FAM117B: variants seen among roughly 807,000 people sequenced by gnomAD.
FAM117B encodes protein FAM117B.
Under a neutral mutation model 52.8 loss-of-function variants are expected in FAM117B, and 22 were observed. The ratio of observed to expected loss-of-function variants is 0.42; its 90% CI spans 0.30 to 0.59. The LOEUF (loss-of-function observed/expected upper bound fraction) is 0.59. Ranked by LOEUF, FAM117B falls within the 20% of genes least tolerant of loss-of-function variation. The probability of loss-of-function intolerance (pLI) is 0.22; values close to 1 mark genes in which losing one functional copy is unlikely to be tolerated. For missense variants in FAM117B, 678 were observed against 802.6 expected (o/e 0.84, Z 1.88); for synonymous variants, 309 against 324.1 (o/e 0.95, Z 0.50).
intron 2 of FAM117B, among the ~76,000 whole-genome samples, chr2:202,715,273 C>T (rs556788835): frequency 5.0e-4 from 76 of 151,820 alleles, no homozygotes; most frequent in African/African-American, 1.6e-3. Context: ...CCACCTCCCT[C>T]CGGGACGGGG....
intron 2 of FAM117B, among the ~76,000 whole-genome samples, chr2:202,710,629 C>G (rs1690943626): frequency 6.6e-6 from 1 of 152,056 alleles, no homozygotes; most frequent in Non-Finnish European, 1.5e-5. Flanking sequence ...TGGAGTCACC[C>G]TGTTGTGCTA....
At chr2:202,646,496 A>G (rs996742452) in intron 1 of FAM117B, among the ~76,000 whole-genome samples, 2 of 152,052 alleles carry the variant, frequency 1.3e-5, no homozygotes, top group South Asian at 2.1e-4. Context: ...GCCTAAGGAT[A>G]TGTGTAGTGT....
chr2:202,760,310 G>A (rs1228017015), intron 7 of FAM117B, among the ~76,000 whole-genome samples: 4 of 152,144 alleles, frequency 2.6e-5, no homozygotes, highest in Non-Finnish European at 5.9e-5. Flanking sequence ...GCTCCTGAAC[G>A]GGGGAGGTCC....
intron 4 of FAM117B, among the ~76,000 whole-genome samples, chr2:202,731,816 A>G (rs895927571): frequency 4.6e-5 from 7 of 151,352 alleles, no homozygotes; most frequent in East Asian, 1.9e-4. Context: ...GCTCATTGCA[A>G]TCTCCGCCTA....
At chr2:202,739,617 G>A (rs549584103) in intron 4 of FAM117B, among the ~76,000 whole-genome samples, 7 of 151,830 alleles carry the variant, frequency 4.6e-5, no homozygotes, top group South Asian at 4.1e-4. Context: ...CACCATGCCC[G>A]GCTGATATTT....
At chr2:202,696,562 T>C (rs947850804) in intron 2 of FAM117B, among the ~76,000 whole-genome samples, 6 of 152,222 alleles carry the variant, frequency 3.9e-5, no homozygotes, top group African/African-American at 1.4e-4. Flanking sequence ...ATATTTAATA[T>C]ATGGAATTTG....
intron 2 of FAM117B, among the ~76,000 whole-genome samples, chr2:202,720,314 G>GA (rs1691130591): frequency 6.6e-6 from 1 of 151,144 alleles, no homozygotes; most frequent in Non-Finnish European, 1.5e-5. Context: ...TTTTATTATG[G>GA]AAATGTTAAA....
chr2:202,726,436 A>G, intron 4 of FAM117B, 73 bp downstream of exon 4: 1 of 1,140,462 alleles, frequency 8.8e-7, no homozygotes, highest in South Asian at 1.4e-5. Flanking sequence ...TTTCATTGGT[A>G]ATTGTTTAGG....
chr2:202,745,931 A>C (rs566623840), intron 4 of FAM117B, among the ~76,000 whole-genome samples: 1 of 152,344 alleles, frequency 6.6e-6, no homozygotes, highest in East Asian at 1.9e-4. Flanking sequence ...CTTACACCAG[A>C]GCACCAAGTG....
intron 7 of FAM117B, 47 bp downstream of exon 7, chr2:202,759,400 T>C (rs1395015589): frequency 6.3e-7 from 1 of 1,588,944 alleles, no homozygotes; most frequent in East Asian, 2.2e-5. Context: ...TTATGAGCTT[T>C]TTTTTTTGAG....
intron 4 of FAM117B, among the ~76,000 whole-genome samples, chr2:202,751,001 G>A (rs1691712750): frequency 6.6e-6 from 1 of 151,982 alleles, no homozygotes; most frequent in Non-Finnish European, 1.5e-5. Flanking sequence ...TAGGTGTGTA[G>A]GTTTCTAGAG....
intron 1 of FAM117B, among the ~76,000 whole-genome samples, chr2:202,687,717 A>G (rs1690566633): frequency 1.3e-5 from 2 of 152,178 alleles, no homozygotes; most frequent in South Asian, 2.1e-4. Context: ...AGCCTGGTAC[A>G]TTGTTTTTTA....
chr2:202,689,913 G>A (rs1690595868), intron 1 of FAM117B, among the ~76,000 whole-genome samples: 1 of 152,082 alleles, frequency 6.6e-6, no homozygotes, highest in Non-Finnish European at 1.5e-5. Flanking sequence ...CTGCAGTTCG[G>A]CCTGGGTGAC....
intron 1 of FAM117B, among the ~76,000 whole-genome samples, chr2:202,651,319 C>T (rs1414475032): frequency 6.6e-6 from 1 of 151,782 alleles, no homozygotes; most frequent in Non-Finnish European, 1.5e-5. Flanking sequence ...ATCTCAGCCT[C>T]CCAAAGTGCT....
intron 2 of FAM117B, among the ~76,000 whole-genome samples, chr2:202,722,844 T>G (rs934419614): frequency 1.3e-5 from 2 of 152,094 alleles, no homozygotes; most frequent in Non-Finnish European, 2.9e-5. Flanking sequence ...AAAAAAAAAT[T>G]CATTTGTTAA....
intron 4 of FAM117B, among the ~76,000 whole-genome samples, chr2:202,746,327 A>AGAT (rs911769167): frequency 1.8e-4 from 27 of 152,310 alleles, no homozygotes; most frequent in South Asian, 1.5e-3. Flanking sequence ...GAAACTGTGC[A>AGAT]GATACATGGA....
intron 1 of FAM117B, among the ~76,000 whole-genome samples, chr2:202,692,937 AT>A (rs1231063161): frequency 6.6e-6 from 1 of 152,192 alleles, no homozygotes; most frequent in Non-Finnish European, 1.5e-5. Flanking sequence ...ATGTGATTTA[AT>A]TTTTATGGAT....
chr2:202,747,277 T>G (rs1316146407), intron 4 of FAM117B, among the ~76,000 whole-genome samples: 1 of 152,144 alleles, frequency 6.6e-6, no homozygotes, highest in East Asian at 1.9e-4. Context: ...GGAAAATACC[T>G]TGACATAATA....
In FAM117B at chr2:202,709,445, G is replaced by GC. The variant is rs1559107031; in HGVS notation, c.753+13419dup. On this transcript the variant is annotated intron_variant, in intron 2 of 7. Transcript: ENST00000392238. ...TTGAACTCCTGACCTCAGGCGATCT[G>GC]CCCCCCTCTGCCTCCCAAAGTACTG... 2.6e-5 allele frequency among the ~76,000 whole-genome samples: 4 copies of GC among 152,198 alleles called. No individual in the cohort carries two copies. The South Asian group carries it at 6.2e-4, about 24-fold the overall frequency.
Sources: allele counts gnomAD v4.1 joint callset (sites outside exome capture counted in the v4.1 genomes callset), GRCh38; gene constraint gnomAD v4.1.1; transcripts MANE v1.5; gene names NCBI Gene and HGNC (gene_info 2026-07-23, HGNC 2026-07-21).